Variants in EPS8L1 observed in about 807,000 individuals in gnomAD.
EPS8L1 encodes the protein EPS8 signaling adaptor L1.
In EPS8L1, 101 loss-of-function variants were observed where a neutral mutation model predicts 91.7. The observed-to-expected ratio is 1.10, with a 90% CI of 0.94 to 1.30. The LOEUF is 1.30. EPS8L1 is among the 50% of genes most tolerant of loss of function. EPS8L1 has a pLI of 0.00. For synonymous variants in EPS8L1, 506 were observed against 445.3 expected (o/e 1.14, Z -1.72); for missense variants, 1,114 against 1,017.0 (o/e 1.10, Z -1.30).
chr19:55,083,627 C>A lies in EPS8L1; in HGVS notation c.1368C>A (p.Pro456=). The A allele has an allele frequency of 1.9e-6, 3 of 1,595,818 alleles. No individual in the cohort carries two copies. The highest frequency in any genetic ancestry group is 2.3e-5 in the East Asian group (1 of 44,108). ...CTTACTTCCTACAGCAAAGCGCCCC[C>A]CAGGTCGCTGTCAATGGGTGAGTGT... ...HERRRRQQSA[P]QVAVNGHRDL... The change falls in exon 14 of 20, where the codon CCC becomes CCA. Residue 456 remains proline, a synonymous_variant. Transcript: ENST00000201647. This position sits in a 1 kb window ranked among gnomAD's most constrained non-coding sequence, Gnocchi z 4.7.
chr19:55,076,506 G>A (rs530572328), intron 2 of EPS8L1, 45 bp downstream of exon 2: 88 of 1,590,280 alleles, frequency 5.5e-5, no homozygotes, highest in African/African-American at 3.1e-4. Flanking sequence ...CACGCCTCCC[G>A]CCTCCCCTCG....
Position 55,087,568 on chromosome 19 carries a change from A to ATG in EPS8L1, c.2126_2127insTG (p.Lys709AsnfsTer26). The stretch of plus-strand genomic sequence containing the variant: ...TCAGAGCTGGAGGCAGTGATGGAGA[A>ATG]GCAAAAGAAGAAGGTGGAAGGCGAG... On this transcript the variant is annotated frameshift_variant, in exon 20 of 20. Coordinates refer to ENST00000201647, the MANE Select transcript of EPS8L1 (RefSeq NM_133180.3). LOFTEE classifies it high-confidence loss of function. 6.2e-7 allele frequency: 1 copy of ATG among 1,614,212 alleles called. No individual in the cohort carries two copies. Among genetic ancestry groups the ATG allele is most frequent in the South Asian group, 1.1e-5 (1 of 91,090 alleles).
In EPS8L1 at chr19:55,077,568, G is replaced by A. The variant is rs73617622; in HGVS notation, c.18-520G>A. Among the ~76,000 whole-genome samples the A allele has an allele frequency of 6.3e-3, 905 of 143,650 alleles. 9 individuals are homozygous for A. Among genetic ancestry groups the A allele is most frequent in the African/African-American group, 0.021 (835 of 38,856 alleles). 94.2% of individuals were successfully genotyped at this position (143,650 alleles called of 152,430 possible). A position where few individuals can be genotyped will look rare whatever the true frequency, so the allele number is the denominator to read the frequency against. On this transcript the variant is annotated intron_variant, in intron 2 of 19. Transcript: ENST00000201647. ...CACTCCCCTACCACCCAGCACCACCGCCTGACCTGACCTGTCTTTTTTTTT... is the reference window on the plus strand; with the variant it reads ...CACTCCCCTACCACCCAGCACCACCACCTGACCTGACCTGTCTTTTTTTTT...
intron 12 of EPS8L1, 127 bp downstream of exon 12, chr19:55,082,729 T>C (rs2076297088): frequency 3.4e-6 from 3 of 889,296 alleles, no homozygotes; most frequent in Non-Finnish European, 5.0e-6. Context: ...CGTGGCTTAG[T>C]TGTGTTGGGG....
At position 55,080,566 on chromosome 19, in the gene EPS8L1, T is replaced by G. The variant is rs1259352634; in HGVS notation, c.430-206T>G. On this transcript the variant is annotated intron_variant, in intron 6 of 19. Coordinates refer to ENST00000201647, the MANE Select transcript of EPS8L1 (RefSeq NM_133180.3). ...GGTGGGGGCGAGGAACCACCCGGACTGGGTCTCCATGGGCGGGGTCGTGGC... is the reference window on the plus strand; with the variant it reads ...GGTGGGGGCGAGGAACCACCCGGACGGGGTCTCCATGGGCGGGGTCGTGGC... 12 of 1,608,828 alleles carry G rather than the reference T, an allele frequency of 7.5e-6. No homozygotes were observed. The East Asian group carries it at 2.7e-4, about 36-fold the overall frequency.
rs2076311979 is a variant in EPS8L1 at position 55,083,412 on chromosome 19, A to G, written c.1249A>G (p.Arg417Gly). The change falls in exon 13 of 20, where the codon AGA becomes GGA. Residue 417 changes from arginine to glycine, a missense_variant. Physicochemically the swap from Arg to Gly is moderately radical, Grantham distance 125. Coordinates refer to ENST00000201647, the MANE Select transcript of EPS8L1 (RefSeq NM_133180.3). This position sits in a 1 kb window ranked among gnomAD's most constrained non-coding sequence, Gnocchi z 4.7. Reference sequence around the variant, plus strand: ...GTCCCCGGAGGAGGGACCCCCATACAGACCCGAGTTCTTCAGCGGCTGGGA... The same window carrying G: ...GTCCCCGGAGGAGGGACCCCCATACGGACCCGAGTTCTTCAGCGGCTGGGA... Reference protein sequence around the residue: ...ELSPEEGPPYRPEFFSGWEPP... With the variant: ...ELSPEEGPPYGPEFFSGWEPP... The G allele has an allele frequency of 1.9e-6, 3 of 1,612,990 alleles. No homozygotes were observed. The highest frequency in any genetic ancestry group is 2.5e-6 in the Non-Finnish European group (3 of 1,179,988).
chr19:55,081,683 G>A lies in EPS8L1; in HGVS notation c.775-90G>A, dbSNP rs554945828. ...GGTGTTTGGGGCGTGGCCTGATCTG[G>A]GGAAGTGTATAGGTGCTCAGGTTCA... On this transcript the variant is annotated intron_variant, in intron 8 of 19. Transcript: ENST00000201647. This position sits in a 1 kb window ranked among gnomAD's most constrained non-coding sequence, Gnocchi z 4.9. The A allele has an allele frequency of 3.9e-4, 590 of 1,516,782 alleles. No homozygotes were observed. The African/African-American group carries it at 7.3e-3, about 19-fold the overall frequency. 94.0% of individuals were successfully genotyped at this position (1,516,782 alleles called of 1,614,324 possible). A position where few individuals can be genotyped will look rare whatever the true frequency, so the allele number is the denominator to read the frequency against.
rs2076363775 is a variant in EPS8L1 at position 55,087,339 on chromosome 19, G to C, written c.1989G>C (p.Gln663His). The part of the protein sequence containing the change: ...VDALGVLTGA[Q>H]LFSLQKEELR... ...CGCTGGGTGTGCTGACCGGGGCGCA[G>C]CTTTTCTCGCTGCAGAAGGAGGAGC... is the stretch of plus-strand genomic sequence containing the variant. Residue 663 changes from glutamine to histidine, a missense_variant, in exon 19 of 20, where the codon CAG becomes CAC. Transcript: ENST00000201647. 1 of 1,612,310 alleles carries C rather than the reference G, an allele frequency of 6.2e-7. No individual in the cohort carries two copies. The highest frequency in any genetic ancestry group is 1.7e-5 in the Admixed American group (1 of 59,962).
chr19:55,080,615 C>A, intron 6 of EPS8L1, 157 bp from the exon 7 acceptor site: 7 of 1,581,716 alleles, frequency 4.4e-6, no homozygotes, highest in South Asian at 1.1e-5. Context: ...AGGTGTAGGG[C>A]GAGGGGTGAG....
rs1321941152 is a variant in EPS8L1, at chr19:55,081,125, TCCCTTTGAG to T, written c.513-103_513-95del. ...TCCCTACCTCGTTGAACTTGTTCACTCCCTTTGAGCCTTTTGAGCCTGTGTGTCTCGTTC... is the reference window on the plus strand; with the variant it reads ...TCCCTACCTCGTTGAACTTGTTCACTCCTTTTGAGCCTGTGTGTCTCGTTC... On this transcript the variant is annotated intron_variant, in intron 7 of 19. Transcript: ENST00000201647. The surrounding 1 kb of genome is among the most constrained non-coding windows in gnomAD (Gnocchi z 4.9). 25 of 1,347,918 alleles carry T rather than the reference TCCCTTTGAG, an allele frequency of 1.9e-5. No individual in the cohort carries two copies. Among genetic ancestry groups the T allele is most frequent in the Non-Finnish European group, 2.3e-5 (24 of 1,022,152 alleles). 83.5% of individuals were successfully genotyped at this position (1,347,918 alleles called of 1,614,324 possible).
chr19:55,079,728 G>T lies in EPS8L1; in HGVS notation c.156G>T (p.Val52=). ...VTFCLGEDDG[V]HTVEDASRKL... ...TCTGCCTGGGTGAGGACGATGGCGTGCATACCGTGGAGGATGCCTCCAGGA... is the reference window on the plus strand; with the variant it reads ...TCTGCCTGGGTGAGGACGATGGCGTTCATACCGTGGAGGATGCCTCCAGGA... The change falls in exon 5 of 20, where the codon GTG becomes GTT. Residue 52 remains valine (V), a synonymous_variant. Transcript: ENST00000201647. 1 of 1,614,178 alleles carries T rather than the reference G, an allele frequency of 6.2e-7. No homozygotes were observed. Among genetic ancestry groups the T allele is most frequent in the African/African-American group, 1.3e-5 (1 of 75,064 alleles).
Position 55,086,768 on chromosome 19 carries a change from A to G in EPS8L1, c.1832A>G (p.Gln611Arg). The G allele has an allele frequency of 6.2e-7, 1 of 1,610,218 alleles. No homozygotes were observed. Among genetic ancestry groups the G allele is most frequent in the Non-Finnish European group, 8.5e-7 (1 of 1,179,048 alleles). Residue 611 changes from glutamine to arginine, a missense_variant, in exon 18 of 20, where the codon CAG (glutamine) becomes CGG (arginine). By Grantham distance (43) the Gln-to-Arg change is conservative. Coordinates refer to ENST00000201647, the MANE Select transcript of EPS8L1 (RefSeq NM_133180.3). ...GAGGAACTGCAGGCGCGCCTGGCCC[A>G]GGGCCGCTCGGGACCGAGCCGCGCA... is the stretch of plus-strand genomic sequence containing the variant. Reference protein sequence around the residue: ...VNEELQARLAQGRSGPSRAVP... With the variant: ...VNEELQARLARGRSGPSRAVP...
At chr19:55,086,636 C>CCCCCCCCCCCCCCCCCCTGGCCCCCGGA in intron 17 of EPS8L1, 78 bp from the exon 18 acceptor site, 1 of 956,964 alleles carries the variant, frequency 1.0e-6, no homozygotes, top group Non-Finnish European at 1.4e-6. Context: ...CGCTGGAGCG[C>CCCCCCCCCCCCCCCCCCTGGCCCCCGGA]CCCCCCGCCC....
chr19:55,081,489 A>C lies in EPS8L1; in HGVS notation c.771A>C (p.Glu257Asp). The C allele has an allele frequency of 6.3e-7, 1 of 1,580,470 alleles. No homozygotes were observed. The highest frequency in any genetic ancestry group is 8.6e-7 in the Non-Finnish European group (1 of 1,163,810). The change falls in exon 8 of 20, where the codon GAA becomes GAC. Residue 257 changes from glutamate to aspartate, a missense_variant. Glu to Asp is a conservative substitution (Grantham distance 45). Transcript: ENST00000201647. The surrounding 1 kb of genome is among the most constrained non-coding windows in gnomAD (Gnocchi z 4.9). The stretch of plus-strand genomic sequence containing the variant: ...TGGCGGTTCTGCAGGCGGAGCGGGA[A>C]GTGGTGAGCCGCTAAGGAAGGGGTC... ...PDLAVLQAER[E>D]VDILNHVFDD...
At position 55,076,429 on chromosome 19, in the gene EPS8L1, G is replaced by A. The variant is rs1015336152; in HGVS notation, c.-16G>A. The A allele has an allele frequency of 6.2e-7, 1 of 1,611,948 alleles. No homozygotes were observed. The highest frequency in any genetic ancestry group is 8.5e-7 in the Non-Finnish European group (1 of 1,179,156). On this transcript the variant is annotated 5_prime_UTR_variant, in exon 2 of 20. Coordinates refer to ENST00000201647, the MANE Select transcript of EPS8L1 (RefSeq NM_133180.3). Reference sequence around the variant, plus strand: ...CCAGGGCACCTCCAGGTGGGCAGGAGCTACCACTCAGCACCATGAGCACCG... The same window carrying A: ...CCAGGGCACCTCCAGGTGGGCAGGAACTACCACTCAGCACCATGAGCACCG...
chr19:55,080,975 G>T (rs1204076372), intron 7 of EPS8L1, 121 bp downstream of exon 7: 2 of 1,018,698 alleles, frequency 2.0e-6, no homozygotes, highest in Non-Finnish European at 2.8e-6. Flanking sequence ...CACCCTAGTC[G>T]AGTCTTGTCT....
At position 55,082,133 on chromosome 19, in the gene EPS8L1, G is replaced by C. The variant is rs977161548; in HGVS notation, c.943G>C (p.Glu315Gln). The change falls in exon 10 of 20, where the codon GAG becomes CAG. Residue 315 changes from glutamate (E) to glutamine (Q), a missense_variant. Glu to Gln is a conservative substitution (Grantham distance 29). Coordinates refer to ENST00000201647, the MANE Select transcript of EPS8L1 (RefSeq NM_133180.3). ...TLRAKPPSEA[E>Q]YTDVLQKIKY... ...GCGGGCCAAGCCGCCCTCGGAGGCC[G>C]AGTACACCGACGTGCTGCAGAAGAT... 1.2e-6 allele frequency: 2 copies of C among 1,603,516 alleles called. No individual in the cohort carries two copies. Among genetic ancestry groups the C allele is most frequent in the Admixed American group, 3.4e-5 (2 of 58,612 alleles).
rs1434559171 is a variant in EPS8L1, at chr19:55,081,463, C to A, written c.745C>A (p.Leu249Met). Residue 249 changes from leucine to methionine, a missense_variant, in exon 8 of 20, where the codon CTG (leucine) becomes ATG (methionine). By Grantham distance (15) the Leu-to-Met change is conservative. Transcript: ENST00000201647. The surrounding 1 kb of genome is among the most constrained non-coding windows in gnomAD (Gnocchi z 4.9). ...GGACCTGGGTCCCCGGGGTCCTGAC[C>A]TGGCGGTTCTGCAGGCGGAGCGGGA... ...SPDLGPRGPD[L>M]AVLQAEREVD... 1 of 1,595,334 alleles carries A rather than the reference C, an allele frequency of 6.3e-7. No homozygotes were observed. The highest frequency in any genetic ancestry group is 1.7e-5 in the Admixed American group (1 of 57,496).
At chr19:55,080,696 A>C (rs1299633990) in intron 6 of EPS8L1, 76 bp from the exon 7 acceptor site, 5 of 1,577,524 alleles carry the variant, frequency 3.2e-6, no homozygotes, top group Non-Finnish European at 4.3e-6. Flanking sequence ...CTGAGCTGAA[A>C]AATCGGCCAG....
Sources: allele counts gnomAD v4.1 joint callset (sites outside exome capture counted in the v4.1 genomes callset), GRCh38; gene constraint gnomAD v4.1.1; non-coding constraint Gnocchi (gnomAD v3.1); transcripts MANE v1.5; gene names NCBI Gene and HGNC (gene_info 2026-07-23, HGNC 2026-07-21).